The following CRPPA variants were observed in gnomAD, a reference collection of about 807,000 sequenced individuals.
CRPPA encodes the protein D-ribitol-5-phosphate cytidylyltransferase.
CRPPA carries 43 observed loss-of-function variants against 52.0 expected under a neutral mutation model. The ratio of observed to expected loss-of-function variants is 0.83; its 90% confidence interval spans 0.65 to 1.07. The LOEUF (loss-of-function observed/expected upper bound fraction) is 1.07, where lower values mean the gene tolerates loss of function less well. Ranked by LOEUF, CRPPA falls within the 50% of genes least tolerant of loss-of-function variation. The pLI is 0.00. For synonymous variants in CRPPA, 250 were observed against 203.5 expected (o/e 1.23, Z -1.94); for missense variants, 629 against 551.7 (o/e 1.14, Z -1.40).
chr7:16,388,961 C>A (rs1412106938), intron 2 of CRPPA, among the ~76,000 whole-genome samples: 1 of 152,016 alleles, frequency 6.6e-6, no homozygotes, highest in East Asian at 1.9e-4. Context: ...CTATCAACCT[C>A]AGAGAAATAA....
chr7:16,400,452 G>T (rs1271219554), intron 2 of CRPPA, among the ~76,000 whole-genome samples: 1 of 152,192 alleles, frequency 6.6e-6, no homozygotes, highest in Non-Finnish European at 1.5e-5. Context: ...ATCAACACTT[G>T]TGTGACACAT....
chr7:16,272,432 C>T (rs11766565), intron 6 of CRPPA, among the ~76,000 whole-genome samples: 75,670 of 151,936 alleles, frequency 0.5, 19,409 homozygotes, highest in Admixed American at 0.57. Flanking sequence ...TTCATGTTAA[C>T]AAAACAATCC....
At chr7:16,279,706 TG>T (rs1784282162) in intron 5 of CRPPA, among the ~76,000 whole-genome samples, 1 of 151,718 alleles carries the variant, frequency 6.6e-6, no homozygotes. Flanking sequence ...TGCTTAGGAG[TG>T]GGAGAAAGGA....
intron 3 of CRPPA, among the ~76,000 whole-genome samples, chr7:16,373,615 G>A (rs17169444): frequency 0.037 from 5,680 of 152,182 alleles, 352 homozygotes; most frequent in African/African-American, 0.13. Context: ...AACACAGAAC[G>A]GGTCAGCCTA....
Position 16,313,453 on chromosome 7 carries a change from G to A in CRPPA, c.685-4826C>T, listed in dbSNP as rs187942375. On this transcript the variant is annotated intron_variant, in intron 3 of 9. Transcript: ENST00000407010. ...GTATTAATTTGTATATTCTTTCTTA[G>A]CCTGGCTGATTTATTTTATCTTGTC... Among the ~76,000 whole-genome samples, 9 of 151,662 alleles carry A rather than the reference G, an allele frequency of 5.9e-5. No homozygotes were observed. In the East Asian group the frequency reaches 1.8e-3, roughly 29 times the overall value.
At chr7:16,196,296 C>A (rs994760624) in intron 9 of CRPPA, among the ~76,000 whole-genome samples, 2 of 152,072 alleles carry the variant, frequency 1.3e-5, no homozygotes, top group African/African-American at 4.8e-5. Flanking sequence ...TATGACAGAG[C>A]TAGCAATTCC....
At chr7:16,178,139 T>G (rs1015949446) in intron 9 of CRPPA, among the ~76,000 whole-genome samples, 1 of 151,904 alleles carries the variant, frequency 6.6e-6, no homozygotes, top group African/African-American at 2.4e-5. Flanking sequence ...AACTACGTGG[T>G]CTTTTCCTGA....
chr7:16,112,281 C>T (rs1052350251), intron 9 of CRPPA, among the ~76,000 whole-genome samples: 4 of 151,694 alleles, frequency 2.6e-5, no homozygotes, highest in African/African-American at 9.7e-5. Flanking sequence ...TGCCACTGCA[C>T]TACATCTTGG....
chr7:16,185,460 A>G (rs2128388850), intron 9 of CRPPA, among the ~76,000 whole-genome samples: 1 of 152,248 alleles, frequency 6.6e-6, no homozygotes, highest in South Asian at 2.1e-4. Flanking sequence ...AACCCACACC[A>G]TCATGTTTAT....
In CRPPA at chr7:16,214,115, T is replaced by C. The variant is rs146812595; in HGVS notation, c.1251+1951A>G. Among the ~76,000 whole-genome samples, 299 of 152,344 alleles carry C rather than the reference T, an allele frequency of 2.0e-3. 3 individuals are homozygous for C. In the East Asian group the frequency reaches 0.029, roughly 15 times the overall value. On this transcript the variant is annotated intron_variant, in intron 9 of 9. Coordinates refer to ENST00000407010, the MANE Select transcript of CRPPA (RefSeq NM_001101426.4). ...TTATTTTAAGTGATAAATTTTCTTT[T>C]TGAGTTTGCATGTTAAATCTGAATT... is the stretch of plus-strand genomic sequence containing the variant.
chr7:16,376,919 G>C (rs950627073), intron 2 of CRPPA, among the ~76,000 whole-genome samples: 5 of 152,156 alleles, frequency 3.3e-5, no homozygotes, highest in Non-Finnish European at 5.9e-5. Flanking sequence ...TTGTAAGACA[G>C]TTTTGAAGGC....
chr7:16,087,898 A>G lies in CRPPA; in HGVS notation c.*3797T>C, dbSNP rs1216230032. 1.3e-5 allele frequency: 2 copies of G among 152,210 alleles called. No individual in the cohort carries two copies. Among genetic ancestry groups the G allele is most frequent in the African/African-American group, 4.8e-5 (2 of 41,458 alleles). The allele number at this position is 152,210 out of a possible 1,614,324, so 9.4% of individuals were successfully genotyped here. On this transcript the variant is annotated 3_prime_UTR_variant, in exon 10 of 10. Coordinates refer to ENST00000407010, the MANE Select transcript of CRPPA (RefSeq NM_001101426.4). ...TCAACATTAAAACAAAGTCAAATTT[A>G]CAGATTTTAAGACATTCTGTAATTT...
rs184904178 is a variant in CRPPA, at chr7:16,319,806, C to G, written c.685-11179G>C. ...GCATCCTATGTTCTCCCGGTATAGA[C>G]AGAGAACTTCATCACCACCTGCCTC... On this transcript the variant is annotated intron_variant, in intron 3 of 9. Transcript: ENST00000407010. 2.8e-4 allele frequency among the ~76,000 whole-genome samples: 42 copies of G among 152,230 alleles called. No homozygotes were observed. In the East Asian group the frequency reaches 7.6e-3, roughly 27 times the overall value.
intron 8 of CRPPA, among the ~76,000 whole-genome samples, chr7:16,224,854 T>G (rs531372403): frequency 6.6e-6 from 1 of 152,296 alleles, no homozygotes; most frequent in East Asian, 1.9e-4. Flanking sequence ...AAGCTACGCT[T>G]AAAATAAGCT....
chr7:16,205,554 C>T (rs565059284), intron 9 of CRPPA, among the ~76,000 whole-genome samples: 45 of 152,262 alleles, frequency 3.0e-4, no homozygotes, highest in African/African-American at 1.1e-3. Context: ...AGATTTGCCA[C>T]TGAATGTTTT....
intron 9 of CRPPA, among the ~76,000 whole-genome samples, chr7:16,211,323 A>G (rs1162810036): frequency 1.3e-5 from 2 of 152,224 alleles, no homozygotes; most frequent in African/African-American, 2.4e-5. Flanking sequence ...CTAAACAATA[A>G]AAGTCAAAAC....
intron 9 of CRPPA, among the ~76,000 whole-genome samples, chr7:16,130,033 G>A (rs2240855): frequency 0.33 from 49,964 of 151,964 alleles, 9,644 homozygotes; most frequent in South Asian, 0.56. Flanking sequence ...CATTCTACCT[G>A]GGATCATCTC....
intron 9 of CRPPA, among the ~76,000 whole-genome samples, chr7:16,214,167 A>T (rs1393865596): frequency 6.6e-6 from 1 of 152,196 alleles, no homozygotes; most frequent in East Asian, 1.9e-4. Flanking sequence ...GGTTTTTTTA[A>T]TTCAAGTATG....
At chr7:16,262,577 A>T (rs546734070) in intron 6 of CRPPA, among the ~76,000 whole-genome samples, 110 of 152,296 alleles carry the variant, frequency 7.2e-4, no homozygotes, top group African/African-American at 2.3e-3. Context: ...ATAATTTTTT[A>T]AGTACAAATT....
Sources: allele counts gnomAD v4.1 joint callset (sites outside exome capture counted in the v4.1 genomes callset), GRCh38; gene constraint gnomAD v4.1.1; transcripts MANE v1.5; gene names NCBI Gene and HGNC (gene_info 2026-07-23, HGNC 2026-07-21).